Variants in DGKZ observed in about 807,000 individuals in gnomAD.
DGKZ encodes the protein DAG kinase zeta.
Under a neutral mutation model 142.5 loss-of-function variants are expected in DGKZ, and 45 were observed. That is an observed-to-expected ratio of 0.32 (90% CI 0.25 to 0.40). DGKZ has a LOEUF of 0.40. Among genes scored for constraint, DGKZ ranks in the 10% least tolerant of loss-of-function variants. The probability of loss-of-function intolerance (pLI) is 1.00; values close to 1 mark genes in which losing one functional copy is unlikely to be tolerated. For missense variants in DGKZ, 755 were observed against 1,306.5 expected, an observed-to-expected ratio of 0.58 and a Z score of 6.51; for synonymous variants, 442 against 527.0, an observed-to-expected ratio of 0.84 and a Z score of 2.21.
In DGKZ at chr11:46,333,176, C is replaced by T. The variant is rs890484808; in HGVS notation, c.-100C>T. On this transcript the variant is annotated 5_prime_UTR_variant, in exon 1 of 31. Transcript: ENST00000343674. The stretch of plus-strand genomic sequence containing the variant: ...GACCTGCGGAACCCGGCGCTCCCCT[C>T]CCTCCCCGCCTCGCGTCCCCGGCCC... 1.3e-5 allele frequency: 14 copies of T among 1,082,668 alleles called. No homozygotes were observed. In the African/African-American group the frequency reaches 2.3e-4, roughly 18 times the overall value. The allele number at this position is 1,082,668 out of a possible 1,614,324, so 67.1% of individuals were successfully genotyped here.
intron 25 of DGKZ, 76 bp from the exon 26 acceptor site, chr11:46,378,121 GC>G: frequency 2.0e-6 from 3 of 1,520,648 alleles, no homozygotes; most frequent in South Asian, 1.2e-5. Context: ...GGATGAAGAT[GC>G]CCCCAGTTGG....
In DGKZ at chr11:46,370,026, G is replaced by A. The variant is rs764266536; in HGVS notation, c.570+17G>A. The A allele has an allele frequency of 8.1e-6, 13 of 1,613,424 alleles. No individual in the cohort carries two copies. Among genetic ancestry groups the A allele is most frequent in the African/African-American group, 2.7e-5 (2 of 75,062 alleles). On this transcript the variant is annotated intron_variant, in intron 6 of 30. Transcript: ENST00000527911. Reference sequence around the variant, plus strand: ...TGTGGGAAGGTGAGAGGCCCTGCCCGAGGACATCGCCACCTGCACCTGCGG... The same window carrying A: ...TGTGGGAAGGTGAGAGGCCCTGCCCAAGGACATCGCCACCTGCACCTGCGG...
At chr11:46,340,226 A>C (rs1266654483) in intron 1 of DGKZ, among the ~76,000 whole-genome samples, 3 of 152,218 alleles carry the variant, frequency 2.0e-5, no homozygotes, top group East Asian at 1.9e-4. Context: ...TTGGCTCTGT[A>C]CAAAGTGTAC....
At chr11:46,354,848 T>G (rs2136419239) in intron 1 of DGKZ, among the ~76,000 whole-genome samples, 1 of 152,344 alleles carries the variant, frequency 6.6e-6, no homozygotes, top group East Asian at 1.9e-4. Flanking sequence ...GTTTTGGAGA[T>G]TTAACCATCC....
At chr11:46,343,343 C>G (rs990218186), upstream of DGKZ, among the ~76,000 whole-genome samples, 4 of 152,128 alleles carry the variant, frequency 2.6e-5, no homozygotes, top group East Asian at 7.7e-4. Flanking sequence ...ATATTATGTT[C>G]CCATCATGAG....
intron 1 of DGKZ, among the ~76,000 whole-genome samples, chr11:46,354,946 G>C (rs889573784): frequency 2.6e-5 from 4 of 152,172 alleles, no homozygotes; most frequent in Non-Finnish European, 5.9e-5. Flanking sequence ...TCTGTTGACG[G>C]ACACTTGGGT....
chr11:46,372,499 G>T lies in DGKZ; in HGVS notation c.999G>T (p.Gly333=), dbSNP rs753875385. ...AAGTCTTCGACCTGAGCCAGGGAGG[G>T]CCCAAGGAGGCGTAAGTACTTGCCA... Residue 333 remains glycine, a synonymous_variant, in exon 11 of 31, where the codon GGG becomes GGT. Coordinates refer to ENST00000527911, the Ensembl canonical transcript of DGKZ. The surrounding 1 kb of genome is among the most constrained non-coding windows in gnomAD (Gnocchi z 5.9). The T allele has an allele frequency of 5.0e-6, 8 of 1,614,016 alleles. No individual in the cohort carries two copies. The highest frequency in any genetic ancestry group is 5.9e-6 in the Non-Finnish European group (7 of 1,180,014).
At position 46,372,900 on chromosome 11, in the gene DGKZ, AG is replaced by A. The variant is rs1246414633; in HGVS notation, c.1185+22del. 8 of 1,564,868 alleles carry A rather than the reference AG, an allele frequency of 5.1e-6. No individual in the cohort carries two copies. The highest frequency in any genetic ancestry group is 1.2e-5 in the South Asian group (1 of 85,436). ...CTGGGGTGGGGTAAGCACCCATAGG[AG>A]GGGGGTGCAGCTGGGGCCTCTCCAG... On this transcript the variant is annotated intron_variant, in intron 13 of 30. Coordinates refer to ENST00000527911, the Ensembl canonical transcript of DGKZ. The surrounding 1 kb of genome is among the most constrained non-coding windows in gnomAD (Gnocchi z 5.9).
chr11:46,375,408 G>A, intron 19 of DGKZ, 24 bp from the exon 20 acceptor site: 1 of 1,553,782 alleles, frequency 6.4e-7, no homozygotes, highest in South Asian at 1.2e-5. Flanking sequence ...GGTGCCATCT[G>A]ACCCAAGCTT....
chr11:46,360,446 G>A (rs1034375406), intron 1 of DGKZ, among the ~76,000 whole-genome samples: 5 of 151,122 alleles, frequency 3.3e-5, no homozygotes, highest in Non-Finnish European at 7.4e-5. Context: ...GGAGGATGGT[G>A]TGCCCAGGGA....
Position 46,370,569 on chromosome 11 carries a change from T to C in DGKZ, c.570+560T>C, listed in dbSNP as rs115848410. Among the ~76,000 whole-genome samples, 1,038 of 152,256 alleles carry C rather than the reference T, an allele frequency of 6.8e-3. 18 individuals are homozygous for C. Among genetic ancestry groups the C allele is most frequent in the African/African-American group, 0.024 (988 of 41,544 alleles). On this transcript the variant is annotated intron_variant, in intron 6 of 30. Coordinates refer to ENST00000527911, the Ensembl canonical transcript of DGKZ. Reference sequence around the variant, plus strand: ...ATGAACAGGGAATGAATGTGATAGGTACTCGGAAGCGGCAGTAAATTTCTT... The same window carrying C: ...ATGAACAGGGAATGAATGTGATAGGCACTCGGAAGCGGCAGTAAATTTCTT...
chr11:46,380,166 G>A (rs944962150), exon 31 of DGKZ: 2 of 540,600 alleles, frequency 3.7e-6, no homozygotes, highest in South Asian at 2.4e-5. Flanking sequence ...GGACCCGGAG[G>A]CTCACAGGGA....
At chr11:46,340,549 G>A (rs1287405955) in intron 1 of DGKZ, among the ~76,000 whole-genome samples, 1 of 152,236 alleles carries the variant, frequency 6.6e-6, no homozygotes, top group African/African-American at 2.4e-5. Flanking sequence ...TGGGCCGCCA[G>A]TGCTGTGCCT....
At chr11:46,335,626 G>A (rs998766364) in intron 1 of DGKZ, among the ~76,000 whole-genome samples, 8 of 152,216 alleles carry the variant, frequency 5.3e-5, no homozygotes, top group African/African-American at 1.9e-4. Context: ...AACAACACCA[G>A]GGTGGACTCT....
rs938053706 is a variant in DGKZ at position 46,372,544 on chromosome 11, G to T, written c.1010+34G>T. ...TTGCCAAGGTTTTGTGGGGGACATG[G>T]GGGGGAACTTGCCTCACTCCTGGGG... is the stretch of plus-strand genomic sequence containing the variant. On this transcript the variant is annotated intron_variant, in intron 11 of 30. Coordinates refer to ENST00000527911, the Ensembl canonical transcript of DGKZ. This position sits in a 1 kb window ranked among gnomAD's most constrained non-coding sequence, Gnocchi z 5.9. 1 of 1,613,718 alleles carries T rather than the reference G, an allele frequency of 6.2e-7. No homozygotes were observed. The highest frequency in any genetic ancestry group is 8.5e-7 in the Non-Finnish European group (1 of 1,179,926).
intron 26 of DGKZ, 27 bp downstream of exon 26, chr11:46,378,256 C>T: frequency 6.3e-7 from 1 of 1,595,360 alleles, no homozygotes; most frequent in South Asian, 1.1e-5. Context: ...TGGGGCCCCT[C>T]CTTTCTGCCT....
chr11:46,368,130 C>A, intron 4 of DGKZ, 51 bp downstream of exon 4: 1 of 1,569,518 alleles, frequency 6.4e-7, no homozygotes, highest in Admixed American at 1.7e-5. Flanking sequence ...GTGCTGAGGC[C>A]CTTTCAGCGC....
intron 5 of DGKZ, 112 bp downstream of exon 5, chr11:46,369,662 C>T (rs1339953944): frequency 7.1e-7 from 1 of 1,398,964 alleles, no homozygotes; most frequent in African/African-American, 1.4e-5. Context: ...GGCTGCTGCT[C>T]ACTGAGGTCT....
At chr11:46,360,862 C>G (rs1942566256) in intron 1 of DGKZ, among the ~76,000 whole-genome samples, 1 of 152,104 alleles carries the variant, frequency 6.6e-6, no homozygotes, top group African/African-American at 2.4e-5. Context: ...CCTAGGGTAC[C>G]ATGTCAGGAC....
Sources: allele counts gnomAD v4.1 joint callset (sites outside exome capture counted in the v4.1 genomes callset), GRCh38; gene constraint gnomAD v4.1.1; non-coding constraint Gnocchi (gnomAD v3.1); transcripts MANE v1.5; gene names NCBI Gene and HGNC (gene_info 2026-07-23, HGNC 2026-07-21).